The following DNAJB2 variants were observed in gnomAD, a reference collection of about 807,000 sequenced individuals.
DNAJB2 encodes the protein dnaJ homolog subfamily B member 2.
A neutral mutation model predicts 33.3 loss-of-function variants in DNAJB2; 19 were observed. The ratio of observed to expected loss-of-function variants is 0.57; its 90% confidence interval spans 0.40 to 0.84. The LOEUF is 0.84. DNAJB2 is among the 40% of genes least tolerant of loss of function. DNAJB2 has a pLI of 0.00. For synonymous variants in DNAJB2, 172 were observed against 164.6 expected, an observed-to-expected ratio of 1.04 and a Z score of -0.34; for missense variants, 368 against 430.9, an observed-to-expected ratio of 0.85 and a Z score of 1.29.
chr2:219,280,491 C>A, intron 2 of DNAJB2, 87 bp from the exon 3 acceptor site: 1 of 1,029,580 alleles, frequency 9.7e-7, no homozygotes, highest in Non-Finnish European at 1.5e-6. Context: ...CAGTGATAGG[C>A]TAATGGGAAA....
Position 219,285,598 on chromosome 2 carries a change from T to C in DNAJB2, c.*611T>C. 1.9e-6 allele frequency: 2 copies of C among 1,064,106 alleles called. No individual in the cohort carries two copies. The highest frequency in any genetic ancestry group is 2.3e-6 in the Non-Finnish European group (2 of 879,606). 65.9% of individuals were successfully genotyped at this position (1,064,106 alleles called of 1,614,324 possible). On this transcript the variant is annotated 3_prime_UTR_variant, in exon 9 of 9. Transcript: ENST00000336576. ...TGGCTAGGACTCCCTTCTTCCTTCC[T>C]TCCCCGAGAAGGCCTCAATGTGGCG...
rs139406455 is a variant in DNAJB2 at position 219,282,007 on chromosome 2, G to T, written c.298G>T (p.Glu100Ter). The change falls in exon 5 of 9, where the codon GAG (glutamate) becomes TAG (stop). Residue 100 changes from glutamate (E) to a stop codon, truncating the protein, a stop_gained. Coordinates refer to ENST00000336576, the MANE Select transcript of DNAJB2 (RefSeq NM_006736.6). LOFTEE classifies it high-confidence loss of function. ...CTTCACCTTCACCTTCCGCAGCCCCGAGGAGGTCTTCCGGGAATTCTTTGG... is the reference window on the plus strand; with the variant it reads ...CTTCACCTTCACCTTCCGCAGCCCCTAGGAGGTCTTCCGGGAATTCTTTGG... ...PGFTFTFRSP[E>*]EVFREFFGSG... 6.2e-7 allele frequency: 1 copy of T among 1,614,184 alleles called. No homozygotes were observed. The highest frequency in any genetic ancestry group is 8.5e-7 in the Non-Finnish European group (1 of 1,180,026).
chr2:219,282,988 C>T, intron 6 of DNAJB2, 59 bp downstream of exon 6: 1 of 1,564,670 alleles, frequency 6.4e-7, no homozygotes. Flanking sequence ...CTGGCTTGAG[C>T]TTGTTGCTTT....
At position 219,284,726 on chromosome 2, in the gene DNAJB2, G is replaced by A; in HGVS notation, c.714G>A (p.Gln238=). Residue 238 remains glutamine (Q), a synonymous_variant, in exon 9 of 9, where the codon CAG becomes CAA. Coordinates refer to ENST00000336576, the MANE Select transcript of DNAJB2 (RefSeq NM_006736.6). ...TSRSGGTQVQ[Q]TPASCPLDSD... is the part of the protein sequence containing the mutation. ...GGTCTGGGGGCACTCAGGTCCAGCA[G>A]ACCCCTGCCTCATGCCCCTTGGACA... The A allele has an allele frequency of 6.2e-7, 1 of 1,613,316 alleles. No individual in the cohort carries two copies. The highest frequency in any genetic ancestry group is 8.5e-7 in the Non-Finnish European group (1 of 1,179,868).
At position 219,281,770 on chromosome 2, in the gene DNAJB2, A is replaced by C; in HGVS notation, c.228A>C (p.Thr76=). ...ATGGCCGGGAAGGGCTGACAGGGAC[A>C]GGTAGGTGGAGTGGTGAGGCCCAGG... ...DRYGREGLTG[T]GTGPSRAEAG... The change falls in exon 4 of 9, where the codon ACA becomes ACC. Residue 76 remains threonine (T), a splice_region_variant and synonymous_variant. Transcript: ENST00000336576. The C allele has an allele frequency of 6.2e-7, 1 of 1,614,042 alleles. No homozygotes were observed. Among genetic ancestry groups the C allele is most frequent in the Non-Finnish European group, 8.5e-7 (1 of 1,180,016 alleles).
intron 5 of DNAJB2, chr2:219,282,280 A>G (rs1435874250): frequency 3.2e-6 from 2 of 617,292 alleles, no homozygotes; most frequent in Non-Finnish European, 5.6e-6. Flanking sequence ...ACCTTATTAA[A>G]TTACAACAAT....
chr2:219,281,551 G>C (rs1020515459), intron 3 of DNAJB2, 167 bp from the exon 4 acceptor site: 1 of 756,654 alleles, frequency 1.3e-6, no homozygotes, highest in Non-Finnish European at 2.2e-6. Context: ...GTGAAAGGCT[G>C]AGTTGCTGCC....
Position 219,285,169 on chromosome 2 carries a change from A to G in DNAJB2, c.*182A>G. On this transcript the variant is annotated 3_prime_UTR_variant, in exon 9 of 9. Coordinates refer to ENST00000336576, the MANE Select transcript of DNAJB2 (RefSeq NM_006736.6). Reference sequence around the variant, plus strand: ...ACTTGGGATTTGCTGTGCTCAGCCCAGGGCTGATAGGTCCCTGGTGAAGCC... The same window carrying G: ...ACTTGGGATTTGCTGTGCTCAGCCCGGGGCTGATAGGTCCCTGGTGAAGCC... The G allele has an allele frequency of 3.1e-6, 4 of 1,298,658 alleles. No homozygotes were observed. Among genetic ancestry groups the G allele is most frequent in the Non-Finnish European group, 3.9e-6 (4 of 1,022,652 alleles). 80.4% of individuals were successfully genotyped at this position (1,298,658 alleles called of 1,614,324 possible). A position where few individuals can be genotyped will look rare whatever the true frequency, so the allele number is the denominator to read the frequency against.
At chr2:219,280,352 G>A (rs1371853723) in intron 2 of DNAJB2, among the ~76,000 whole-genome samples, 1 of 152,200 alleles carries the variant, frequency 6.6e-6, no homozygotes, top group African/African-American at 2.4e-5. Context: ...TAGGGACCCT[G>A]GCATTGTATC....
At position 219,285,651 on chromosome 2, in the gene DNAJB2, T is replaced by C. The variant is rs983269441; in HGVS notation, c.*664T>C. The C allele has an allele frequency of 7.0e-6, 8 of 1,141,048 alleles. No homozygotes were observed. The highest frequency in any genetic ancestry group is 8.6e-6 in the Non-Finnish European group (8 of 927,524). The allele number at this position is 1,141,048 out of a possible 1,614,324, so 70.7% of individuals were successfully genotyped here. Reference sequence around the variant, plus strand: ...GAAGATGCTGGGGCCGGTAGGGCTGTGAGATCTTCTGGGGAGGCTAGCCGG... The same window carrying C: ...GAAGATGCTGGGGCCGGTAGGGCTGCGAGATCTTCTGGGGAGGCTAGCCGG... On this transcript the variant is annotated 3_prime_UTR_variant, in exon 9 of 9. Coordinates refer to ENST00000336576, the MANE Select transcript of DNAJB2 (RefSeq NM_006736.6).
chr2:219,281,570 T>C (rs1403469473), intron 3 of DNAJB2, 148 bp from the exon 4 acceptor site: 1 of 975,960 alleles, frequency 1.0e-6, no homozygotes, highest in African/African-American at 1.6e-5. Context: ...CCTAAACCTA[T>C]AGCCCGTGTC....
In DNAJB2 at chr2:219,282,072, T is replaced by G; in HGVS notation, c.352+11T>G. On this transcript the variant is annotated intron_variant, in intron 5 of 8. Coordinates refer to ENST00000336576, the MANE Select transcript of DNAJB2 (RefSeq NM_006736.6). ...TTGCAGAGCTCTTTGGTGAGTGGAC[T>G]CTGGAAGCCTCTGAATGGCTCAACT... is the stretch of plus-strand genomic sequence containing the variant. 6.2e-7 allele frequency: 1 copy of G among 1,614,050 alleles called. No homozygotes were observed.
intron 7 of DNAJB2, 23 bp from the exon 8 acceptor site, chr2:219,283,396 C>A: frequency 6.2e-7 from 1 of 1,612,966 alleles, no homozygotes. Flanking sequence ...TGCTCGTTGC[C>A]TGAACTGTGC....
At position 219,285,313 on chromosome 2, in the gene DNAJB2, C is replaced by A. The variant is rs1051448372; in HGVS notation, c.*326C>A. 1.2e-5 allele frequency: 13 copies of A among 1,062,644 alleles called. No homozygotes were observed. The Admixed American group carries it at 2.0e-4, about 16-fold the overall frequency. The allele number at this position is 1,062,644 out of a possible 1,614,324, so 65.8% of individuals were successfully genotyped here. A position where few individuals can be genotyped will look rare whatever the true frequency, so the allele number is the denominator to read the frequency against. On this transcript the variant is annotated 3_prime_UTR_variant, in exon 9 of 9. Transcript: ENST00000336576. ...GGGCCTTTTGTGCCCTGGTACTCTG[C>A]CACCTGTGTTGCTGATGGTGTCAAG...
rs912231859 is a variant in DNAJB2 at position 219,280,725 on chromosome 2, C to A, written c.175+38C>A. ...GTCAGGCAGGACCCAGCACATCACC[C>A]CCTACTTCATGCCCCAGCTCACATT... On this transcript the variant is annotated intron_variant, in intron 3 of 8. Transcript: ENST00000336576. 6.3e-6 allele frequency: 9 copies of A among 1,434,184 alleles called. No homozygotes were observed. The Admixed American group carries it at 1.6e-4, about 25-fold the overall frequency. The allele number at this position is 1,434,184 out of a possible 1,614,324, so 88.8% of individuals were successfully genotyped here. A position where few individuals can be genotyped will look rare whatever the true frequency, so the allele number is the denominator to read the frequency against.
chr2:219,281,415 A>T, intron 3 of DNAJB2: 1 of 393,758 alleles, frequency 2.5e-6, no homozygotes, highest in Non-Finnish European at 4.6e-6. Flanking sequence ...ACATTTATTG[A>T]ACACTTTCTA....
At position 219,282,878 on chromosome 2, in the gene DNAJB2, C is replaced by T. The variant is rs1182614290; in HGVS notation, c.394C>T (p.Arg132Ter). The T allele has an allele frequency of 5.0e-6, 8 of 1,606,844 alleles. No homozygotes were observed. The highest frequency in any genetic ancestry group is 2.2e-5 in the East Asian group (1 of 44,870). Reference protein sequence around the residue: ...PFSELQNRGSRHSGPFFTFSS... With the variant: ...PFSELQNRGS The stretch of plus-strand genomic sequence containing the variant: ...CTCAGAGCTTCAGAACCGGGGTTCC[C>T]GACACTCAGGCCCCTTCTTTACCTT... Residue 132 changes from arginine to a stop codon, truncating the protein, a stop_gained, in exon 6 of 9, where the codon CGA (arginine) becomes TGA (stop). Transcript: ENST00000336576. LOFTEE classifies it high-confidence loss of function.
rs1451097359 is a variant in DNAJB2, at chr2:219,283,120, G to T, written c.446-13G>T. Reference sequence around the variant, plus strand: ...TAACCACCTCTCCTCCTCCTCCCTTGTCCCGATGCCAGATTTCTCCTCCTC... The same window carrying T: ...TAACCACCTCTCCTCCTCCTCCCTTTTCCCGATGCCAGATTTCTCCTCCTC... On this transcript the variant is annotated splice_polypyrimidine_tract_variant and intron_variant, in intron 6 of 8. Coordinates refer to ENST00000336576, the MANE Select transcript of DNAJB2 (RefSeq NM_006736.6). 9 of 1,613,844 alleles carry T rather than the reference G, an allele frequency of 5.6e-6. No homozygotes were observed. Among genetic ancestry groups the T allele is most frequent in the Non-Finnish European group, 7.6e-6 (9 of 1,179,874 alleles).
rs1951952697 is a variant in DNAJB2 at position 219,286,024 on chromosome 2, G to T, written c.*1037G>T. ...CTGGATGCCGGGTTCCAGAATCGCTGCACAGTTCCAACAGGACAGCGCCTT... is the reference window on the plus strand; with the variant it reads ...CTGGATGCCGGGTTCCAGAATCGCTTCACAGTTCCAACAGGACAGCGCCTT... On this transcript the variant is annotated 3_prime_UTR_variant, in exon 9 of 9. Coordinates refer to ENST00000336576, the MANE Select transcript of DNAJB2 (RefSeq NM_006736.6). 1.2e-6 allele frequency: 2 copies of T among 1,610,992 alleles called. No individual in the cohort carries two copies. The highest frequency in any genetic ancestry group is 1.7e-5 in the Admixed American group (1 of 59,926).
Sources: allele counts gnomAD v4.1 joint callset (sites outside exome capture counted in the v4.1 genomes callset), GRCh38; gene constraint gnomAD v4.1.1; transcripts MANE v1.5; gene names NCBI Gene and HGNC (gene_info 2026-07-23, HGNC 2026-07-21).